The following MYLK variants were observed in gnomAD, a reference collection of about 807,000 sequenced individuals.
The protein encoded by MYLK is myosin light chain kinase.
MYLK carries 106 observed loss-of-function variants against 203.4 expected under a neutral mutation model. The observed-to-expected ratio is 0.52, with a 90% CI of 0.45 to 0.61. The LOEUF is 0.61. Among genes scored for constraint, MYLK ranks in the 20% least tolerant of loss-of-function variants. MYLK has a pLI of 0.00. For missense variants in MYLK, 2,072 were observed against 2,442.3 expected (o/e 0.85, Z 3.20); for synonymous variants, 867 against 959.5 (o/e 0.90, Z 1.78).
chr3:123,620,990 A>G (rs1449651215), intron 31 of MYLK: 4 of 152,426 alleles, frequency 2.6e-5, no homozygotes, highest in Non-Finnish European at 4.4e-5. Flanking sequence ...CAAGTCTATG[A>G]TGCAGTGAAG....
chr3:123,649,199 G>A lies in MYLK; in HGVS notation c.4289-5C>T, dbSNP rs558865554. 6 of 1,612,300 alleles carry A rather than the reference G, an allele frequency of 3.7e-6. No individual in the cohort carries two copies. The highest frequency in any genetic ancestry group is 1.1e-5 in the South Asian group (1 of 91,020). On this transcript the variant is annotated splice_polypyrimidine_tract_variant and splice_region_variant and intron_variant, in intron 24 of 33. Coordinates refer to ENST00000360304, the MANE Select transcript of MYLK (RefSeq NM_053025.4). Reference sequence around the variant, plus strand: ...CCTCCACTTCATCCTTCGGCTCTGGGGGGGGCACAAGGAAGGACAGAGAGG... The same window carrying A: ...CCTCCACTTCATCCTTCGGCTCTGGAGGGGGCACAAGGAAGGACAGAGAGG...
intron 13 of MYLK, among the ~76,000 whole-genome samples, chr3:123,710,568 CA>C: frequency 6.6e-6 from 1 of 152,288 alleles, no homozygotes; most frequent in East Asian, 1.9e-4. Context: ...AATAAAAAGA[CA>C]TCACATCCCA....
rs1272775854 is a variant in MYLK at position 123,682,337 on chromosome 3, G to C, written c.3566-27C>G. On this transcript the variant is annotated intron_variant, in intron 19 of 33. Transcript: ENST00000360304. ...TGGAATGAAACAGGTAACAATAAAT[G>C]TTAGCAGCTGCTGAGGAAATGAGCA... 7.8e-6 allele frequency: 12 copies of C among 1,534,076 alleles called. No homozygotes were observed. The Admixed American group carries it at 2.3e-4, about 29-fold the overall frequency.
Position 123,712,079 on chromosome 3 carries a change from C to A in MYLK, c.1805-2186G>T, listed in dbSNP as rs114554646. On this transcript the variant is annotated intron_variant, in intron 13 of 33. Coordinates refer to ENST00000360304, the MANE Select transcript of MYLK (RefSeq NM_053025.4). ...AGCCTGAGTGTGAGAGCAGGTAACC[C>A]CCCACGGTCCCCTTGGAAGATGGGG... Among the ~76,000 whole-genome samples, 11 of 152,296 alleles carry A rather than the reference C, an allele frequency of 7.2e-5. No individual in the cohort carries two copies. In the East Asian group the frequency reaches 2.1e-3, roughly 29 times the overall value.
At chr3:123,690,559 G>A (rs1012984482) in intron 19 of MYLK, among the ~76,000 whole-genome samples, 1 of 152,194 alleles carries the variant, frequency 6.6e-6, no homozygotes, top group Admixed American at 6.5e-5. Context: ...AAAGGCGACA[G>A]GGGAGCTGTC....
At chr3:123,749,891 A>C (rs1046490292) in intron 5 of MYLK, among the ~76,000 whole-genome samples, 1 of 152,232 alleles carries the variant, frequency 6.6e-6, no homozygotes, top group Non-Finnish European at 1.5e-5. Context: ...AAGGATTACA[A>C]AACTCCACAT....
intron 2 of MYLK, among the ~76,000 whole-genome samples, chr3:123,852,080 T>C (rs1391293240): frequency 6.6e-6 from 1 of 152,226 alleles, no homozygotes; most frequent in Non-Finnish European, 1.5e-5. Flanking sequence ...CAGCCTTGCA[T>C]CTCAGGGATG....
chr3:123,662,937 A>G (rs901437200), intron 23 of MYLK, among the ~76,000 whole-genome samples: 13 of 152,090 alleles, frequency 8.5e-5, no homozygotes, highest in Middle Eastern at 3.2e-3. Flanking sequence ...AATTTTCACA[A>G]ATGTACCCTA....
chr3:123,690,445 G>C (rs2060617859), intron 19 of MYLK, among the ~76,000 whole-genome samples: 1 of 152,142 alleles, frequency 6.6e-6, no homozygotes. Context: ...GGATCCCCAA[G>C]TCAAGTATGA....
chr3:123,870,994 G>A (rs1373210017), intron 2 of MYLK, among the ~76,000 whole-genome samples: 1 of 152,144 alleles, frequency 6.6e-6, no homozygotes, highest in Non-Finnish European at 1.5e-5. Flanking sequence ...GTCCTAGACT[G>A]TCAGGGTGGG....
At chr3:123,651,923 T>A (rs1289108957) in intron 24 of MYLK, among the ~76,000 whole-genome samples, 1 of 152,222 alleles carries the variant, frequency 6.6e-6, no homozygotes, top group East Asian at 1.9e-4. Flanking sequence ...GTGCACTGTG[T>A]TCCTTTATGC....
intron 19 of MYLK, among the ~76,000 whole-genome samples, chr3:123,683,670 C>T (rs557558973): frequency 1.1e-4 from 17 of 152,250 alleles, no homozygotes; most frequent in South Asian, 2.1e-4. Context: ...AGGCCCTGTG[C>T]GGGTGTTGCA....
chr3:123,638,040 C>G (rs1025741204), intron 29 of MYLK, 31 bp downstream of exon 29: 1 of 1,612,760 alleles, frequency 6.2e-7, no homozygotes, highest in Non-Finnish European at 8.5e-7. Flanking sequence ...ACCAAGTGGT[C>G]CACCAGTCCA....
chr3:123,722,187 G>T lies in MYLK; in HGVS notation c.1745C>A (p.Thr582Asn), dbSNP rs749069560. The T allele has an allele frequency of 1.5e-5, 24 of 1,562,798 alleles. No homozygotes were observed. The highest frequency in any genetic ancestry group is 2.6e-6 in the Non-Finnish European group (3 of 1,153,348). The change falls in exon 13 of 34, where the codon ACC (threonine) becomes AAC (asparagine). Residue 582 changes from threonine (T) to asparagine (N), a missense_variant. This residue lies in a region of MYLK where 865 missense variants were observed against 1,016.0 expected (regional missense o/e 0.85). Transcript: ENST00000360304. ...CCCCAAGGCATTCTCAGCTAGGCAG[G>T]TGTAGGTGCCATGGTCCTCCGGCAG... ...DALPEDHGTY[T>N]CLAENALGQV...
chr3:123,618,347 G>GGTAA (rs1341725397), intron 33 of MYLK: 4 of 409,254 alleles, frequency 9.8e-6, no homozygotes, highest in Non-Finnish European at 1.8e-5. Flanking sequence ...TCCAAAGCCA[G>GGTAA]GTAAGTCCAT....
At chr3:123,704,788 T>C (rs529030407) in intron 16 of MYLK, among the ~76,000 whole-genome samples, 41 of 146,096 alleles carry the variant, frequency 2.8e-4, no homozygotes, top group Non-Finnish European at 4.0e-4. Context: ...GGCGTGGTGG[T>C]AGGCACCTGT....
At chr3:123,752,025 T>A (rs2063209465) in intron 5 of MYLK, among the ~76,000 whole-genome samples, 1 of 151,788 alleles carries the variant, frequency 6.6e-6, no homozygotes, top group South Asian at 2.1e-4. Flanking sequence ...GGGGCCAGAT[T>A]GGGTGGGGCT....
At chr3:123,743,981 G>A (rs1178543320) in intron 5 of MYLK, among the ~76,000 whole-genome samples, 1 of 152,176 alleles carries the variant, frequency 6.6e-6, no homozygotes, top group African/African-American at 2.4e-5. Flanking sequence ...GTGGGGAGCA[G>A]TCACCCTACT....
chr3:123,612,759 A>G lies in MYLK; in HGVS notation c.*1346T>C, dbSNP rs1660994615. Reference sequence around the variant, plus strand: ...GTAATTTTAAATTGGTTCTTAAGGAACTCTTAAAAAGTCCCTTAAAAATAT... The same window carrying G: ...GTAATTTTAAATTGGTTCTTAAGGAGCTCTTAAAAAGTCCCTTAAAAATAT... On this transcript the variant is annotated 3_prime_UTR_variant, in exon 34 of 34. Transcript: ENST00000360304. 6.6e-6 allele frequency: 1 copy of G among 152,586 alleles called. No homozygotes were observed. Among genetic ancestry groups the G allele is most frequent in the African/African-American group, 2.4e-5 (1 of 41,426 alleles). The allele number at this position is 152,586 out of a possible 1,614,324, so 9.5% of individuals were successfully genotyped here.
Sources: gnomAD v4.1 joint callset for allele counts (sites outside exome capture counted in the v4.1 genomes callset) on GRCh38, gnomAD v4.1.1 for gene constraint, gnomAD v4.1.1 regional missense constraint, MANE v1.5 for transcripts, NCBI Gene and HGNC (gene_info 2026-07-23, HGNC 2026-07-21) for gene names.